SDK2: variants seen among roughly 807,000 people sequenced by gnomAD.
SDK2 encodes protein sidekick-2.
In SDK2, 105 loss-of-function variants were observed where a neutral mutation model predicts 253.9. The observed-to-expected ratio is 0.41, with a 90% confidence interval of 0.35 to 0.49. SDK2 has a LOEUF of 0.49. SDK2 is among the 20% of genes least tolerant of loss of function. The pLI, the probability that SDK2 is intolerant of heterozygous loss-of-function variation, is 0.06. For missense variants in SDK2, 2,608 were observed against 3,003.0 expected (o/e 0.87, Z 3.07); for synonymous variants, 1,249 against 1,234.9 (o/e 1.01, Z -0.24).
rs1815818396 is a variant in SDK2, at chr17:73,616,034, AACACACATAC to A, written c.64+27981_64+27990del. On this transcript the variant is annotated intron_variant, in intron 1 of 44. Transcript: ENST00000392650. The surrounding 1 kb of genome is among the most constrained non-coding windows in gnomAD (Gnocchi z 5.2). ...GTAGACACATATGCATATACACATG[AACACACATAC>A]ACACACGTACACACACATACATACT... Among the ~76,000 whole-genome samples, 1 of 152,116 alleles carries A rather than the reference AACACACATAC, an allele frequency of 6.6e-6. No homozygotes were observed. The highest frequency in any genetic ancestry group is 2.1e-4 in the South Asian group (1 of 4,824).
chr17:73,419,996 T>A (rs1158547955), intron 15 of SDK2, among the ~76,000 whole-genome samples: 5 of 152,198 alleles, frequency 3.3e-5, no homozygotes, highest in Non-Finnish European at 7.3e-5. Flanking sequence ...AGTGTCCAAG[T>A]GTTCTATAAG....
At chr17:73,640,957 C>T (rs28527783) in intron 1 of SDK2, 18,917 of 152,250 alleles carry the variant, frequency 0.12, 1,665 homozygotes, top group African/African-American at 0.25. Context: ...TGGGAAATCT[C>T]TCGAGACTCT....
At chr17:73,369,606 T>C (rs533415529) in intron 36 of SDK2, among the ~76,000 whole-genome samples, 14 of 152,366 alleles carry the variant, frequency 9.2e-5, no homozygotes, top group African/African-American at 3.4e-4. Flanking sequence ...AGGAACCCCG[T>C]GGCTGCAGAA....
chr17:73,588,402 A>G (rs2045635386), intron 1 of SDK2, among the ~76,000 whole-genome samples: 1 of 151,722 alleles, frequency 6.6e-6, no homozygotes, highest in South Asian at 2.1e-4. Context: ...AAAAAAAAAA[A>G]AAAAAAAAAA....
intron 2 of SDK2, among the ~76,000 whole-genome samples, chr17:73,479,309 A>G (rs2063707046): frequency 6.6e-6 from 1 of 152,206 alleles, no homozygotes; most frequent in South Asian, 2.1e-4. Flanking sequence ...AGCAGGCAGG[A>G]GAAGCAGCAA....
intron 5 of SDK2, among the ~76,000 whole-genome samples, chr17:73,446,833 G>T (rs1599574476): frequency 6.6e-6 from 1 of 152,280 alleles, no homozygotes; most frequent in East Asian, 1.9e-4. Flanking sequence ...CTGCTCCTGG[G>T]CTGTCCACCC....
At chr17:73,491,422 G>A (rs1289789205) in intron 2 of SDK2, among the ~76,000 whole-genome samples, 1 of 149,426 alleles carries the variant, frequency 6.7e-6, no homozygotes, top group Non-Finnish European at 1.5e-5. Flanking sequence ...ACCCAGGCTG[G>A]AGTACAGTGG....
chr17:73,451,299 G>C (rs1005817856), intron 4 of SDK2, among the ~76,000 whole-genome samples: 2 of 152,206 alleles, frequency 1.3e-5, no homozygotes, highest in African/African-American at 4.8e-5. Context: ...CTGAGGTCAA[G>C]AGTTCAAGAC....
At chr17:73,453,056 T>C (rs898233775) in intron 4 of SDK2, among the ~76,000 whole-genome samples, 1 of 152,228 alleles carries the variant, frequency 6.6e-6, no homozygotes, top group Admixed American at 6.5e-5. Context: ...CCCTGCTCTG[T>C]ATCCACACTC....
In SDK2 at chr17:73,395,611, G is replaced by A. The variant is rs959906153; in HGVS notation, c.3355-219C>T. 1.3e-5 allele frequency among the ~76,000 whole-genome samples: 2 copies of A among 152,218 alleles called. No homozygotes were observed. Among genetic ancestry groups the A allele is most frequent in the African/African-American group, 4.8e-5 (2 of 41,468 alleles). ...ATCTTCCTGCAGGGAGGACAGAGAAGCAGCATCCTTTCTTTATTGTGTATG... is the reference window on the plus strand; with the variant it reads ...ATCTTCCTGCAGGGAGGACAGAGAAACAGCATCCTTTCTTTATTGTGTATG... On this transcript the variant is annotated intron_variant, in intron 24 of 44. Transcript: ENST00000392650. The surrounding 1 kb of genome is among the most constrained non-coding windows in gnomAD (Gnocchi z 4.3).
chr17:73,519,816 G>A (rs559180018), intron 1 of SDK2: 9 of 152,152 alleles, frequency 5.9e-5, no homozygotes, highest in Middle Eastern at 3.2e-3. Flanking sequence ...AACAAAGCAC[G>A]AGTCGCTCTC....
At position 73,341,379 on chromosome 17, in the gene SDK2, C is replaced by T. The variant is rs150040470; in HGVS notation, c.6166-2439G>A. 1.8e-3 allele frequency among the ~76,000 whole-genome samples: 275 copies of T among 152,074 alleles called. 1 individual carries two copies. Among genetic ancestry groups the T allele is most frequent in the Non-Finnish European group, 2.6e-3 (175 of 67,992 alleles). On this transcript the variant is annotated intron_variant, in intron 44 of 44. Coordinates refer to ENST00000392650, the MANE Select transcript of SDK2 (RefSeq NM_001144952.2). ...AAACATGGTGCACCCCTTCCCCTACCCTGAGCTCCCAGCAATGTTTTGAGA... is the reference window on the plus strand; with the variant it reads ...AAACATGGTGCACCCCTTCCCCTACTCTGAGCTCCCAGCAATGTTTTGAGA...
chr17:73,577,628 C>G (rs2145877005), intron 1 of SDK2, among the ~76,000 whole-genome samples: 1 of 152,240 alleles, frequency 6.6e-6, no homozygotes, highest in Admixed American at 6.5e-5. Flanking sequence ...GAGGCAGGTG[C>G]TGTGGGGGAG....
chr17:73,593,781 G>A (rs1454016020), intron 1 of SDK2, among the ~76,000 whole-genome samples: 2 of 152,154 alleles, frequency 1.3e-5, no homozygotes, highest in African/African-American at 4.8e-5. Context: ...GGGCCTGGGC[G>A]GCAGGGCTGA....
intron 1 of SDK2, among the ~76,000 whole-genome samples, chr17:73,566,124 A>G (rs894353183): frequency 3.3e-5 from 5 of 152,080 alleles, no homozygotes; most frequent in Non-Finnish European, 5.9e-5. Flanking sequence ...CCCAGCCAAG[A>G]GCTGGTTGTT....
chr17:73,398,904 T>G (rs1466719778), intron 22 of SDK2, among the ~76,000 whole-genome samples: 1 of 152,142 alleles, frequency 6.6e-6, no homozygotes, highest in Non-Finnish European at 1.5e-5. Flanking sequence ...AGGCGGATAT[T>G]TTTATATTCC....
intron 2 of SDK2, among the ~76,000 whole-genome samples, chr17:73,494,283 A>G (rs1184969237): frequency 6.6e-6 from 1 of 152,166 alleles, no homozygotes; most frequent in Admixed American, 6.5e-5. Context: ...ATTTCCACTC[A>G]GGGCCACCAT....
rs114422633 is a variant in SDK2, at chr17:73,461,082, G to A, written c.332-5029C>T. ...TCCCTCCCTGCCTCCTTCCTGAGTC[G>A]CATCCTGCATTGCAATCCTGCATAC... On this transcript the variant is annotated intron_variant, in intron 3 of 44. Transcript: ENST00000392650. Among the ~76,000 whole-genome samples, 178 of 152,274 alleles carry A rather than the reference G, an allele frequency of 1.2e-3. 1 individual carries two copies. Among genetic ancestry groups the A allele is most frequent in the African/African-American group, 4.0e-3 (168 of 41,550 alleles).
intron 1 of SDK2, among the ~76,000 whole-genome samples, chr17:73,582,207 TCAGCATTTGGGGGCGCACACCAC>T (rs1432514700): frequency 0.085 from 12,518 of 147,644 alleles, 2,766 homozygotes; most frequent in African/African-American, 0.12. Context: ...CACGCAGGCA[TCAGCATTTGGGGGCGCACACCAC>T]GCAGGCATCA....
Sources: allele counts gnomAD v4.1 joint callset (sites outside exome capture counted in the v4.1 genomes callset), GRCh38; gene constraint gnomAD v4.1.1; non-coding constraint Gnocchi (gnomAD v3.1); transcripts MANE v1.5; gene names NCBI Gene and HGNC (gene_info 2026-07-23, HGNC 2026-07-21).